The following NECTIN3 variants were observed in gnomAD, a reference collection of about 807,000 sequenced individuals.
NECTIN3 encodes the protein nectin-3.
Under a neutral mutation model 49.4 loss-of-function variants are expected in NECTIN3, and 8 were observed. The ratio of observed to expected loss-of-function variants is 0.16; its 90% CI spans 0.10 to 0.29. NECTIN3 has a LOEUF of 0.29. Among genes scored for constraint, NECTIN3 ranks in the 10% least tolerant of loss-of-function variants. NECTIN3 has a pLI of 1.00. For synonymous variants in NECTIN3, 277 were observed against 241.1 expected, an observed-to-expected ratio of 1.15 and a Z score of -1.38; for missense variants, 581 against 654.6, an observed-to-expected ratio of 0.89 and a Z score of 1.23.
rs903885090 is a variant in NECTIN3 at position 111,089,429 on chromosome 3, G to A, written c.160+17252G>A. On this transcript the variant is annotated intron_variant, in intron 1 of 5. Transcript: ENST00000485303. ...CTCGTGTGTGTGTGTGTGTGTGTGT[G>A]TATGTATATAAACATATACATACAC... 2.8e-4 allele frequency among the ~76,000 whole-genome samples: 42 copies of A among 150,294 alleles called. No individual in the cohort carries two copies. The South Asian group carries it at 4.0e-3, about 14-fold the overall frequency.
At chr3:111,091,465 G>T (rs1269367064) in intron 1 of NECTIN3, among the ~76,000 whole-genome samples, 1 of 152,022 alleles carries the variant, frequency 6.6e-6, no homozygotes, top group Non-Finnish European at 1.5e-5. Context: ...TGTTAGCCTG[G>T]ATGGTCTCAA....
intron 6 of NECTIN3, chr3:111,147,373 C>T (rs2034900209): frequency 7.4e-7 from 1 of 1,347,468 alleles, no homozygotes; most frequent in Non-Finnish European, 1.0e-6. Context: ...CTAAATGTGA[C>T]AATCACATAT....
chr3:111,097,661 AAG>A (rs1270721420), intron 1 of NECTIN3, among the ~76,000 whole-genome samples: 2 of 152,198 alleles, frequency 1.3e-5, no homozygotes, highest in Non-Finnish European at 2.9e-5. Context: ...TGGTTTTAAA[AAG>A]AGGAGATTCC....
intron 1 of NECTIN3, among the ~76,000 whole-genome samples, chr3:111,095,116 G>T (rs550877146): frequency 6.6e-6 from 1 of 152,218 alleles, no homozygotes; most frequent in Admixed American, 6.5e-5. Context: ...GGAACATAGG[G>T]TTCTCATTAA....
intron 7 of NECTIN3, among the ~76,000 whole-genome samples, chr3:111,158,558 A>G (rs2035145445): frequency 6.6e-6 from 1 of 152,172 alleles, no homozygotes; most frequent in Non-Finnish European, 1.5e-5. Flanking sequence ...ACTTTTAAGT[A>G]GAACCTGAGA....
intron 5 of NECTIN3, among the ~76,000 whole-genome samples, chr3:111,130,221 G>T (rs961019021): frequency 3.0e-4 from 45 of 151,310 alleles, no homozygotes; most frequent in Admixed American, 5.9e-4. Context: ...CTTCCAGAGT[G>T]CTGGGATTAC....
At chr3:111,112,408 G>A (rs1292146554) in intron 2 of NECTIN3, 37 bp downstream of exon 2, 39 of 1,170,916 alleles carry the variant, frequency 3.3e-5, no homozygotes, top group African/African-American at 4.7e-5. Context: ...GGTGATAGTG[G>A]TGAAGATTAT....
chr3:111,103,914 G>A (rs1198754506), intron 1 of NECTIN3, among the ~76,000 whole-genome samples: 2 of 152,130 alleles, frequency 1.3e-5, no homozygotes, highest in Non-Finnish European at 1.5e-5. Flanking sequence ...TTCGTCTCTT[G>A]ATGGACATTT....
intron 1 of NECTIN3, among the ~76,000 whole-genome samples, chr3:111,193,733 C>G (rs1269801364): frequency 6.6e-6 from 1 of 152,144 alleles, no homozygotes; most frequent in African/African-American, 2.4e-5. Flanking sequence ...TACTATTAAC[C>G]TCGTTGGGTC....
chr3:111,160,084 A>G (rs1209384149), intron 7 of NECTIN3, among the ~76,000 whole-genome samples: 1 of 152,182 alleles, frequency 6.6e-6, no homozygotes, highest in Non-Finnish European at 1.5e-5. Context: ...ATTGAACTCT[A>G]ATATTCCTTA....
At chr3:111,173,810 T>C (rs2035476694) in intron 7 of NECTIN3, among the ~76,000 whole-genome samples, 1 of 152,204 alleles carries the variant, frequency 6.6e-6, no homozygotes, top group Admixed American at 6.5e-5. Context: ...CTTCTCTTTT[T>C]TTTTGTACAC....
downstream of NECTIN3, among the ~76,000 whole-genome samples, chr3:111,139,739 A>G (rs559797086): frequency 5.3e-5 from 8 of 151,886 alleles, no homozygotes; most frequent in South Asian, 2.1e-4. Flanking sequence ...TCTCCAGATC[A>G]GTAAAAACTC....
chr3:111,150,255 A>T (rs1050755942), intron 7 of NECTIN3, among the ~76,000 whole-genome samples: 3 of 151,990 alleles, frequency 2.0e-5, no homozygotes, highest in African/African-American at 7.2e-5. Flanking sequence ...TACAGTGCTG[A>T]CATATCATGT....
At chr3:111,187,628 AT>A (rs1409127849), upstream of NECTIN3, among the ~76,000 whole-genome samples, 1 of 152,256 alleles carries the variant, frequency 6.6e-6, no homozygotes, top group Non-Finnish European at 1.5e-5. Context: ...CTAAAAAGGA[AT>A]AAACCATCAA....
At chr3:111,144,592 C>T (rs901492950) in intron 5 of NECTIN3, among the ~76,000 whole-genome samples, 3 of 150,474 alleles carry the variant, frequency 2.0e-5, no homozygotes, top group Non-Finnish European at 4.4e-5. Context: ...CTTAAAATTA[C>T]TTTCATCTTT....
At chr3:111,176,033 C>T (rs758300919) in intron 7 of NECTIN3, among the ~76,000 whole-genome samples, 2 of 152,148 alleles carry the variant, frequency 1.3e-5, no homozygotes, top group Non-Finnish European at 2.9e-5. Context: ...CCTGCAATGA[C>T]ATTTACCAAT....
chr3:111,092,628 G>T (rs908174408), intron 1 of NECTIN3, among the ~76,000 whole-genome samples: 9 of 63,574 alleles, frequency 1.4e-4, no homozygotes, highest in Non-Finnish European at 9.4e-4. Context: ...TCTGGACTCA[G>T]TACTGTTCTG....
intron 5 of NECTIN3, among the ~76,000 whole-genome samples, chr3:111,131,821 T>A (rs2034401903): frequency 6.6e-6 from 1 of 151,826 alleles, no homozygotes; most frequent in Non-Finnish European, 1.5e-5. Flanking sequence ...AAAACTAGCA[T>A]ATAAAGAACC....
rs1478961992 is a variant in NECTIN3 at position 111,137,524 on chromosome 3, A to G, written c.*3309A>G. On this transcript the variant is annotated 3_prime_UTR_variant, in exon 6 of 6. Transcript: ENST00000485303. ...GTTAGCCCCAATAGCCATGCATGAA[A>G]TCTTTAAATAAAAGTTAAAAAAGTT... 4.1e-6 allele frequency: 4 copies of G among 972,700 alleles called. No individual in the cohort carries two copies. The highest frequency in any genetic ancestry group is 3.7e-6 in the Non-Finnish European group (3 of 821,050). The allele number at this position is 972,700 out of a possible 1,614,324, so 60.3% of individuals were successfully genotyped here.
Sources: gnomAD v4.1 joint callset for allele counts (sites outside exome capture counted in the v4.1 genomes callset) on GRCh38, gnomAD v4.1.1 for gene constraint, MANE v1.5 for transcripts, NCBI Gene and HGNC (gene_info 2026-07-23, HGNC 2026-07-21) for gene names.